The following TOX variants were observed in gnomAD, a reference collection of about 807,000 sequenced individuals.
The protein encoded by TOX is thymocyte selection associated high mobility group box.
TOX carries 11 observed loss-of-function variants against 53.7 expected under a neutral mutation model. The ratio of observed to expected loss-of-function variants is 0.20; its 90% CI spans 0.13 to 0.34. TOX has a LOEUF of 0.34. TOX is among the 10% of genes least tolerant of loss of function. The pLI is 1.00. For synonymous variants in TOX, 225 were observed against 245.3 expected, an observed-to-expected ratio of 0.92 and a Z score of 0.77; for missense variants, 570 against 664.6, an observed-to-expected ratio of 0.86 and a Z score of 1.56.
intron 6 of TOX, among the ~76,000 whole-genome samples, chr8:58,821,930 GA>G (rs755863287): frequency 3.9e-5 from 6 of 152,112 alleles, no homozygotes; most frequent in Middle Eastern, 3.2e-3. Flanking sequence ...ACCCGCCCCA[GA>G]GACTACAGAC....
At chr8:58,956,408 G>A (rs918041017) in intron 2 of TOX, among the ~76,000 whole-genome samples, 8 of 152,074 alleles carry the variant, frequency 5.3e-5, no homozygotes, top group African/African-American at 1.7e-4. Context: ...TGGCATATTC[G>A]TCCAGATATT....
At chr8:58,876,905 G>A (rs1030984795) in intron 3 of TOX, among the ~76,000 whole-genome samples, 1 of 152,170 alleles carries the variant, frequency 6.6e-6, no homozygotes, top group Admixed American at 6.5e-5. Context: ...CAGACATTCT[G>A]AGAATGTTCT....
chr8:59,082,266 A>G (rs1182508522), intron 1 of TOX, among the ~76,000 whole-genome samples: 1 of 152,248 alleles, frequency 6.6e-6, no homozygotes, highest in African/African-American at 2.4e-5. Flanking sequence ...TTTAAAAAAA[A>G]TCTTCCACGG....
chr8:58,968,781 C>T (rs1036690605), intron 1 of TOX, among the ~76,000 whole-genome samples: 2 of 151,958 alleles, frequency 1.3e-5, no homozygotes, highest in African/African-American at 2.4e-5. Context: ...GTTCTAGGAA[C>T]CTCAAAACAA....
chr8:59,041,801 A>G (rs1435342391), intron 1 of TOX, among the ~76,000 whole-genome samples: 3 of 152,232 alleles, frequency 2.0e-5, no homozygotes, highest in Non-Finnish European at 4.4e-5. Context: ...GATGAAATCA[A>G]CACTGTCTAC....
At chr8:59,074,582 A>T (rs1475901355) in intron 1 of TOX, among the ~76,000 whole-genome samples, 8 of 152,142 alleles carry the variant, frequency 5.3e-5, no homozygotes, top group East Asian at 1.9e-4. Flanking sequence ...ATATTGCGTT[A>T]AAAAAAGCAC....
chr8:59,073,631 T>C (rs1804241359), intron 1 of TOX, among the ~76,000 whole-genome samples: 2 of 152,186 alleles, frequency 1.3e-5, no homozygotes, highest in Admixed American at 1.3e-4. Flanking sequence ...CATTGGATGG[T>C]ATCCCAGAAA....
At chr8:58,814,254 A>G (rs574613105) in intron 7 of TOX, among the ~76,000 whole-genome samples, 1 of 152,296 alleles carries the variant, frequency 6.6e-6, no homozygotes, top group South Asian at 2.1e-4. Flanking sequence ...TTCAAATTCC[A>G]CAGAGAGGTA....
At chr8:59,110,768 A>G (rs1199820675) in intron 1 of TOX, among the ~76,000 whole-genome samples, 2 of 151,578 alleles carry the variant, frequency 1.3e-5, no homozygotes, top group Non-Finnish European at 2.9e-5. Context: ...AGGGAGGGAG[A>G]TTACACACTG....
In TOX at chr8:58,807,800, A is replaced by G. The variant is rs750639018; in HGVS notation, c.1545-17T>C. ...TGCATGCCCCTGTAGGAAGAGAAAAAAGACAGTTCCTTGTTACAGGACAAC... is the reference window on the plus strand; with the variant it reads ...TGCATGCCCCTGTAGGAAGAGAAAAGAGACAGTTCCTTGTTACAGGACAAC... On this transcript the variant is annotated splice_polypyrimidine_tract_variant and intron_variant, in intron 8 of 8. Coordinates refer to ENST00000361421, the MANE Select transcript of TOX (RefSeq NM_014729.3). 1.2e-5 allele frequency: 20 copies of G among 1,613,898 alleles called. No homozygotes were observed.
chr8:59,002,328 C>T (rs1367132296), intron 1 of TOX, among the ~76,000 whole-genome samples: 2 of 150,810 alleles, frequency 1.3e-5, no homozygotes, highest in Non-Finnish European at 3.0e-5. Context: ...CACAGTGGCT[C>T]ACGCCTGTAA....
intron 3 of TOX, among the ~76,000 whole-genome samples, chr8:58,860,019 C>T (rs1028693107): frequency 1.3e-5 from 2 of 152,160 alleles, no homozygotes; most frequent in African/African-American, 4.8e-5. Flanking sequence ...TCCAGCAGAT[C>T]CAGAAAGAAG....
chr8:59,046,851 T>G (rs1367517554), intron 1 of TOX, among the ~76,000 whole-genome samples: 8 of 77,204 alleles, frequency 1.0e-4, no homozygotes, highest in Non-Finnish European at 6.8e-5. Flanking sequence ...AGAGTGAGAC[T>G]ATGTCTCAAA....
At position 58,873,402 on chromosome 8, in the gene TOX, A is replaced by T. The variant is rs1811228922; in HGVS notation, c.412-21597T>A. On this transcript the variant is annotated intron_variant, in intron 3 of 8. Transcript: ENST00000361421. ...CCCTTTTAAACACATCTAAAGGGAA[A>T]ATTTTCATAGACAAAGTTTCATATC... Among the ~76,000 whole-genome samples, 4 of 152,118 alleles carry T rather than the reference A, an allele frequency of 2.6e-5. No homozygotes were observed. The South Asian group carries it at 6.2e-4, about 24-fold the overall frequency.
intron 4 of TOX, among the ~76,000 whole-genome samples, chr8:58,839,425 C>T (rs1810606587): frequency 6.6e-6 from 1 of 152,130 alleles, no homozygotes; most frequent in South Asian, 2.1e-4. Context: ...CTATTTTCTC[C>T]CATGTTCCTA....
chr8:59,033,138 C>T (rs962103807), intron 1 of TOX, among the ~76,000 whole-genome samples: 8 of 152,190 alleles, frequency 5.3e-5, no homozygotes, highest in South Asian at 2.1e-4. Flanking sequence ...AGCCTCTCCT[C>T]GTGGCCAAAA....
chr8:58,968,095 G>GA lies in TOX; in HGVS notation c.103-8088dup, dbSNP rs1228165915. ...CATGAAAGCATTACTCCATTTGAAA[G>GA]AAAAAAATGCAAGTTTCTAGAAAAC... On this transcript the variant is annotated intron_variant, in intron 1 of 8. Transcript: ENST00000361421. Among the ~76,000 whole-genome samples the GA allele has an allele frequency of 6.6e-5, 10 of 151,982 alleles. 1 individual carries two copies. In the Middle Eastern group the frequency reaches 0.014, roughly 207 times the overall value.
chr8:59,063,101 G>A (rs966693508), intron 1 of TOX, among the ~76,000 whole-genome samples: 2 of 152,078 alleles, frequency 1.3e-5, no homozygotes, highest in Non-Finnish European at 2.9e-5. Context: ...TTTTGAGTAG[G>A]TATTAGTTAC....
At chr8:58,948,356 A>G (rs1812559888) in intron 2 of TOX, among the ~76,000 whole-genome samples, 1 of 152,196 alleles carries the variant, frequency 6.6e-6, no homozygotes, top group African/African-American at 2.4e-5. Flanking sequence ...TAATGATACC[A>G]GAATGGGGAA....
Sources: allele counts gnomAD v4.1 joint callset (sites outside exome capture counted in the v4.1 genomes callset), GRCh38; gene constraint gnomAD v4.1.1; transcripts MANE v1.5; gene names NCBI Gene and HGNC (gene_info 2026-07-23, HGNC 2026-07-21).